The following TRAPPC9 variants were observed in gnomAD, a reference collection of about 807,000 sequenced individuals.
TRAPPC9 encodes the protein trafficking protein particle complex subunit 9.
A neutral mutation model predicts 124.0 loss-of-function variants in TRAPPC9; 83 were observed. The observed-to-expected ratio is 0.67, with a 90% CI of 0.56 to 0.80. The LOEUF (loss-of-function observed/expected upper bound fraction) is 0.80. TRAPPC9 is among the 30% of genes least tolerant of loss of function. The pLI, the probability that TRAPPC9 is intolerant of heterozygous loss-of-function variation, is 0.00. For missense variants in TRAPPC9, 1,302 were observed against 1,508.3 expected, an observed-to-expected ratio of 0.86 and a Z score of 2.27; for synonymous variants, 638 against 617.5, an observed-to-expected ratio of 1.03 and a Z score of -0.49.
Position 140,287,671 on chromosome 8 carries a change from A to T in TRAPPC9, c.1918T>A (p.Ser640Thr), listed in dbSNP as rs771147898. 6.2e-7 allele frequency: 1 copy of T among 1,614,194 alleles called. No homozygotes were observed. Among genetic ancestry groups the T allele is most frequent in the Non-Finnish European group, 8.5e-7 (1 of 1,180,032 alleles). ...LPAALSLPAESGLYPVTLVGV... is the reference protein window; with the variant it reads ...LPAALSLPAETGLYPVTLVGV... ...ACGAGCGTCACTGGGTACAGACCAG[A>T]TTCAGCCGGAAGAGAAAGCGCCGCA... is the stretch of plus-strand genomic sequence containing the variant. The change falls in exon 13 of 23, where the codon TCT (serine) becomes ACT (threonine). Residue 640 changes from serine (S) to threonine (T), a missense_variant. Transcript: ENST00000438773.
At chr8:140,449,722 C>T (rs1056840210) in intron 2 of TRAPPC9, among the ~76,000 whole-genome samples, 3 of 152,170 alleles carry the variant, frequency 2.0e-5, no homozygotes, top group African/African-American at 7.2e-5. Context: ...CTGTGGCCAT[C>T]AGGAGGGAAA....
At chr8:139,828,387 T>G (rs1825774277) in intron 21 of TRAPPC9, among the ~76,000 whole-genome samples, 1 of 152,198 alleles carries the variant, frequency 6.6e-6, no homozygotes, top group African/African-American at 2.4e-5. Context: ...CCCCAGGAGC[T>G]AATCTAGGAA....
At position 139,903,428 on chromosome 8, in the gene TRAPPC9, C is replaced by T. The variant is rs370762812; in HGVS notation, c.2964+6719G>A. Among the ~76,000 whole-genome samples the T allele has an allele frequency of 7.9e-5, 12 of 152,274 alleles. No homozygotes were observed. In the South Asian group the frequency reaches 1.5e-3, roughly 18 times the overall value. On this transcript the variant is annotated intron_variant, in intron 20 of 22. Transcript: ENST00000438773. ...ACTGCGCACCCAATTCTTCCTACTC[C>T]AGCTCACACAGCTGGATTCTGATAC... is the stretch of plus-strand genomic sequence containing the variant.
At chr8:140,043,421 T>C (rs1029583320) in intron 17 of TRAPPC9, among the ~76,000 whole-genome samples, 1 of 152,182 alleles carries the variant, frequency 6.6e-6, no homozygotes, top group African/African-American at 2.4e-5. Context: ...GAGCATGAAG[T>C]AACATGTCCC....
chr8:140,419,953 T>C lies in TRAPPC9; in HGVS notation c.886+6662A>G, dbSNP rs550295339. On this transcript the variant is annotated intron_variant, in intron 5 of 22. Transcript: ENST00000438773. ...ATGACATGATCCTGCCTCTAGAAAA[T>C]CCTAAAAAATCCACTAAAAAACTTT... 6.7e-4 allele frequency among the ~76,000 whole-genome samples: 101 copies of C among 150,976 alleles called. 1 individual carries two copies. The highest frequency in any genetic ancestry group is 2.3e-3 in the African/African-American group (94 of 41,216).
At chr8:139,756,737 C>G (rs1484257103) in intron 21 of TRAPPC9, among the ~76,000 whole-genome samples, 1 of 127,898 alleles carries the variant, frequency 7.8e-6, no homozygotes, top group South Asian at 2.7e-4. Context: ...GCAGGAGGAG[C>G]CAGGGTTGGG....
intron 19 of TRAPPC9, among the ~76,000 whole-genome samples, chr8:139,952,522 G>A (rs535681664): frequency 4.0e-4 from 61 of 152,218 alleles, no homozygotes; most frequent in Non-Finnish European, 7.8e-4. Context: ...GGCAGCTCGG[G>A]TCACCAGAGG....
At chr8:139,955,049 T>G (rs556067570) in intron 19 of TRAPPC9, among the ~76,000 whole-genome samples, 2 of 152,360 alleles carry the variant, frequency 1.3e-5, no homozygotes, top group Admixed American at 1.3e-4. Context: ...ATTCTGTATT[T>G]AATTTTATGT....
intron 17 of TRAPPC9, among the ~76,000 whole-genome samples, chr8:140,180,299 T>C (rs575776698): frequency 9.2e-5 from 14 of 152,158 alleles, no homozygotes; most frequent in African/African-American, 3.1e-4. Context: ...AATAATATCA[T>C]ATAACCTTAC....
chr8:139,814,695 T>C (rs1418183087), intron 21 of TRAPPC9, among the ~76,000 whole-genome samples: 1 of 151,916 alleles, frequency 6.6e-6, no homozygotes, highest in Non-Finnish European at 1.5e-5. Flanking sequence ...TAAACTCTGC[T>C]AGTTAGCCTC....
chr8:139,796,631 C>T (rs1823115760), intron 21 of TRAPPC9, among the ~76,000 whole-genome samples: 1 of 152,146 alleles, frequency 6.6e-6, no homozygotes, highest in African/African-American at 2.4e-5. Context: ...ATGGCTATGC[C>T]ACATTTTGTT....
At chr8:140,427,071 G>A (rs530207119) in intron 4 of TRAPPC9, among the ~76,000 whole-genome samples, 5 of 150,098 alleles carry the variant, frequency 3.3e-5, no homozygotes, top group South Asian at 2.1e-4. Flanking sequence ...GACTACAGGC[G>A]TGCGCCACCA....
chr8:140,261,207 T>C (rs1588033304), intron 15 of TRAPPC9, among the ~76,000 whole-genome samples: 2 of 152,240 alleles, frequency 1.3e-5, no homozygotes, highest in African/African-American at 4.8e-5. Context: ...TGCAGCACTG[T>C]GATGAGACTT....
chr8:139,950,615 G>A (rs1442580554), intron 19 of TRAPPC9, among the ~76,000 whole-genome samples: 1 of 152,224 alleles, frequency 6.6e-6, no homozygotes, highest in African/African-American at 2.4e-5. Flanking sequence ...CACCAGCCAA[G>A]GGCCTTCCAA....
chr8:140,363,523 T>G lies in TRAPPC9; in HGVS notation c.1352-3330A>C, dbSNP rs75236752. ...ATACAGCCAGCTGACATTTATCATTTTTAATCTCAGCCAGTCACCTTCTTT... is the reference window on the plus strand; with the variant it reads ...ATACAGCCAGCTGACATTTATCATTGTTAATCTCAGCCAGTCACCTTCTTT... On this transcript the variant is annotated intron_variant, in intron 8 of 22. Transcript: ENST00000438773. 4.0e-3 allele frequency among the ~76,000 whole-genome samples: 602 copies of G among 152,314 alleles called. 28 individuals are homozygous for G. In the East Asian group the frequency reaches 0.11, roughly 27 times the overall value.
At chr8:139,910,396 A>G in intron 19 of TRAPPC9, 96 bp from the exon 20 acceptor site, 8 of 1,194,868 alleles carry the variant, frequency 6.7e-6, no homozygotes, top group Non-Finnish European at 1.0e-5. Flanking sequence ...AGACACTATA[A>G]TGAATCATTA....
intron 21 of TRAPPC9, among the ~76,000 whole-genome samples, chr8:139,830,436 TACAC>T (rs1825909135): frequency 6.6e-6 from 1 of 150,656 alleles, no homozygotes; most frequent in Non-Finnish European, 1.5e-5. Context: ...TGCACGCAAA[TACAC>T]ATGCACACAA....
intron 17 of TRAPPC9, among the ~76,000 whole-genome samples, chr8:140,175,761 A>C (rs138161626): frequency 9.8e-5 from 15 of 152,372 alleles, no homozygotes; most frequent in African/African-American, 3.6e-4. Context: ...GACAGTGTGC[A>C]ACCGTGTACC....
chr8:139,739,833 G>A (rs1024652230), intron 21 of TRAPPC9, among the ~76,000 whole-genome samples: 2 of 152,210 alleles, frequency 1.3e-5, no homozygotes, highest in Admixed American at 6.5e-5. Flanking sequence ...CTCATTCACC[G>A]TGGTGTCCCC....
Sources: allele counts gnomAD v4.1 joint callset (sites outside exome capture counted in the v4.1 genomes callset), GRCh38; gene constraint gnomAD v4.1.1; transcripts MANE v1.5; gene names NCBI Gene and HGNC (gene_info 2026-07-23, HGNC 2026-07-21).